The following SPAG16 variants were observed in gnomAD, a reference collection of about 807,000 sequenced individuals.
SPAG16 encodes sperm associated antigen 16.
In SPAG16, 86 loss-of-function variants were observed where a neutral mutation model predicts 80.4. That is an observed-to-expected ratio of 1.07 (90% CI 0.90 to 1.28). The LOEUF (loss-of-function observed/expected upper bound fraction) is 1.28, where lower values mean the gene tolerates loss of function less well. SPAG16 is among the 50% of genes most tolerant of loss of function. The probability of loss-of-function intolerance (pLI) is 0.00; values close to 1 mark genes in which losing one functional copy is unlikely to be tolerated. For missense variants in SPAG16, 870 were observed against 765.3 expected, an observed-to-expected ratio of 1.14 and a Z score of -1.61; for synonymous variants, 294 against 265.9, an observed-to-expected ratio of 1.11 and a Z score of -1.03.
At chr2:213,778,598 C>G (rs966072935) in intron 10 of SPAG16, among the ~76,000 whole-genome samples, 1 of 152,262 alleles carries the variant, frequency 6.6e-6, no homozygotes, top group East Asian at 1.9e-4. Context: ...GGCCATAAGT[C>G]AAGAGCTTAC....
At chr2:213,381,086 C>T (rs200304454) in intron 9 of SPAG16, among the ~76,000 whole-genome samples, 6 of 151,906 alleles carry the variant, frequency 3.9e-5, no homozygotes, top group Non-Finnish European at 7.4e-5. Context: ...CTGGGCTTAC[C>T]GTAAAATAGA....
At chr2:213,841,569 GACTT>G (rs1459655819) in intron 10 of SPAG16, among the ~76,000 whole-genome samples, 3 of 151,988 alleles carry the variant, frequency 2.0e-5, no homozygotes, top group Admixed American at 6.6e-5. Context: ...TTATAATTTT[GACTT>G]ACTTGTTGAT....
At chr2:213,689,063 A>C (rs1007015325) in intron 10 of SPAG16, among the ~76,000 whole-genome samples, 12 of 152,106 alleles carry the variant, frequency 7.9e-5, no homozygotes, top group African/African-American at 2.9e-4. Flanking sequence ...TGGTTCAAGC[A>C]ATTCTCCTGC....
chr2:214,159,637 A>T (rs2056356679), intron 15 of SPAG16, among the ~76,000 whole-genome samples: 1 of 151,972 alleles, frequency 6.6e-6, no homozygotes, highest in Admixed American at 6.6e-5. Context: ...AATATGATTT[A>T]CTCAAATCTG....
At position 213,576,841 on chromosome 2, in the gene SPAG16, AGGGT is replaced by A. The variant is rs1180903275; in HGVS notation, c.1070+86754_1070+86757del. 9.9e-5 allele frequency among the ~76,000 whole-genome samples: 15 copies of A among 152,178 alleles called. No homozygotes were observed. In the East Asian group the frequency reaches 2.9e-3, roughly 29 times the overall value. On this transcript the variant is annotated intron_variant, in intron 10 of 15. Transcript: ENST00000331683. ...AACAAAACACACTGGGGCCTTTTGGAGGGTGGAGGGTGGGAGGAAGGAGAGGATC... is the reference window on the plus strand; with the variant it reads ...AACAAAACACACTGGGGCCTTTTGGAGGAGGGTGGGAGGAAGGAGAGGATC...
At chr2:213,796,809 G>A (rs2071064359) in intron 10 of SPAG16, among the ~76,000 whole-genome samples, 2 of 151,934 alleles carry the variant, frequency 1.3e-5, no homozygotes. Context: ...TATTTTAAGT[G>A]TACTTCTACT....
intron 10 of SPAG16, among the ~76,000 whole-genome samples, chr2:213,608,755 G>A (rs768908299): frequency 3.3e-5 from 5 of 152,234 alleles, no homozygotes; most frequent in Admixed American, 1.3e-4. Context: ...TCGGGATCTC[G>A]GCTCACTGCC....
At chr2:214,310,137 T>C (rs1197498475) in intron 15 of SPAG16, among the ~76,000 whole-genome samples, 1 of 151,818 alleles carries the variant, frequency 6.6e-6, no homozygotes, top group Non-Finnish European at 1.5e-5. Flanking sequence ...TTCCTTCTCT[T>C]CTAAAGAAAC....
At chr2:213,867,815 T>A (rs2075755043) in intron 11 of SPAG16, among the ~76,000 whole-genome samples, 1 of 148,924 alleles carries the variant, frequency 6.7e-6, no homozygotes, top group African/African-American at 2.5e-5. Flanking sequence ...TCCCAGCTAC[T>A]CGGGAGGCTG....
chr2:213,520,586 T>TC (rs2075623255), intron 10 of SPAG16, among the ~76,000 whole-genome samples: 1 of 152,016 alleles, frequency 6.6e-6, no homozygotes, highest in Non-Finnish European at 1.5e-5. Context: ...AGAGCAAGAC[T>TC]CCATCTCAAA....
intron 9 of SPAG16, 107 bp from the exon 10 acceptor site, chr2:213,489,856 T>C: frequency 2.3e-6 from 2 of 877,360 alleles, no homozygotes; most frequent in Non-Finnish European, 3.2e-6. Flanking sequence ...ATGTAAATTC[T>C]GGGCAAATAT....
intron 12 of SPAG16, among the ~76,000 whole-genome samples, chr2:213,985,108 C>T (rs1046501292): frequency 6.6e-6 from 1 of 152,032 alleles, no homozygotes; most frequent in Non-Finnish European, 1.5e-5. Flanking sequence ...CAGAATTGTA[C>T]TCTGTCTTAC....
intron 9 of SPAG16, among the ~76,000 whole-genome samples, chr2:213,432,615 A>C (rs1023683360): frequency 2.0e-5 from 3 of 152,162 alleles, no homozygotes; most frequent in African/African-American, 7.2e-5. Context: ...TCTCCCAACA[A>C]ATAAAAGCCC....
rs573599812 is a variant in SPAG16 at position 214,341,370 on chromosome 2, C to A, written c.1721-68770C>A. Among the ~76,000 whole-genome samples the A allele has an allele frequency of 2.6e-5, 4 of 152,190 alleles. No individual in the cohort carries two copies. In the East Asian group the frequency reaches 7.7e-4, roughly 29 times the overall value. On this transcript the variant is annotated intron_variant, in intron 15 of 15. Transcript: ENST00000331683. ...ATAAATGATAAAAGAAAATTCCTCA[C>A]AATTGAAATACCCAAGCCTTTAGAT...
intron 9 of SPAG16, among the ~76,000 whole-genome samples, chr2:213,481,396 T>C (rs943764349): frequency 5.3e-5 from 8 of 152,098 alleles, no homozygotes; most frequent in African/African-American, 1.9e-4. Flanking sequence ...TTGACTTTTG[T>C]CATCTTTCAA....
intron 1 of SPAG16, among the ~76,000 whole-genome samples, chr2:213,294,335 A>G: frequency 6.6e-6 from 1 of 152,228 alleles, no homozygotes; most frequent in East Asian, 1.9e-4. Context: ...TACCTCGAAC[A>G]GATTGCTAGT....
intron 3 of SPAG16, among the ~76,000 whole-genome samples, chr2:213,298,131 T>G (rs2062585450): frequency 6.6e-6 from 1 of 152,132 alleles, no homozygotes; most frequent in South Asian, 2.1e-4. Context: ...AGAAGTCCAA[T>G]AACTCCTTTT....
chr2:214,008,360 G>A (rs1438329692), intron 12 of SPAG16, among the ~76,000 whole-genome samples: 1 of 151,876 alleles, frequency 6.6e-6, no homozygotes, highest in Admixed American at 6.6e-5. Flanking sequence ...TTCAGAGTCT[G>A]TTCTGTTCTA....
chr2:213,549,780 A>G (rs1351281112), intron 10 of SPAG16, among the ~76,000 whole-genome samples: 2 of 152,170 alleles, frequency 1.3e-5, no homozygotes, highest in Admixed American at 6.5e-5. Flanking sequence ...ACAAAACCTC[A>G]TCAGTTAAAT....
Sources: gnomAD v4.1 joint callset for allele counts (sites outside exome capture counted in the v4.1 genomes callset) on GRCh38, gnomAD v4.1.1 for gene constraint, MANE v1.5 for transcripts, NCBI Gene and HGNC (gene_info 2026-07-23, HGNC 2026-07-21) for gene names.